The following LYPD6B variants were observed in gnomAD, a reference collection of about 807,000 sequenced individuals.
The protein encoded by LYPD6B is ly6/PLAUR domain-containing protein 6B.
A neutral mutation model predicts 22.8 loss-of-function variants in LYPD6B; 17 were observed. The ratio of observed to expected loss-of-function variants is 0.75; its 90% confidence interval spans 0.51 to 1.12. The LOEUF is 1.12. Ranked by LOEUF, LYPD6B falls within the 50% of genes most tolerant of loss-of-function variation. The pLI is 0.00. For synonymous variants in LYPD6B, 106 were observed against 91.6 expected (o/e 1.16, Z -0.90); for missense variants, 221 against 258.3 (o/e 0.86, Z 0.99).
chr2:149,145,736 T>C (rs906313130), intron 2 of LYPD6B, among the ~76,000 whole-genome samples: 7 of 152,200 alleles, frequency 4.6e-5, no homozygotes, highest in African/African-American at 1.7e-4. Flanking sequence ...CTCAGAGACT[T>C]CTCAGGAAGC....
chr2:149,202,855 A>T (rs1693258187), intron 3 of LYPD6B, among the ~76,000 whole-genome samples: 1 of 152,232 alleles, frequency 6.6e-6, no homozygotes. Context: ...AAAATTCCAC[A>T]CACGTAACTC....
At chr2:149,073,646 T>C (rs2105367071) in intron 1 of LYPD6B, among the ~76,000 whole-genome samples, 1 of 152,172 alleles carries the variant, frequency 6.6e-6, no homozygotes, top group East Asian at 1.9e-4. Flanking sequence ...CTTATCCTCC[T>C]ACCACTGCTG....
At chr2:149,062,013 AG>A (rs1299120745) in intron 1 of LYPD6B, among the ~76,000 whole-genome samples, 2 of 149,832 alleles carry the variant, frequency 1.3e-5, no homozygotes, top group Admixed American at 6.7e-5. Context: ...CTTGCTGCCC[AG>A]GCTGGAGTAA....
At chr2:149,131,971 C>G (rs1688057151) in intron 2 of LYPD6B, among the ~76,000 whole-genome samples, 1 of 151,942 alleles carries the variant, frequency 6.6e-6, no homozygotes, top group Admixed American at 6.6e-5. Flanking sequence ...GTCATTTGTG[C>G]TTTATTTATG....
chr2:149,063,977 A>G (rs1053324475), intron 1 of LYPD6B, among the ~76,000 whole-genome samples: 7 of 152,248 alleles, frequency 4.6e-5, no homozygotes, highest in Non-Finnish European at 2.9e-5. Context: ...TGCTAACTCA[A>G]ATGCAGAAGA....
Position 149,141,231 on chromosome 2 carries a change from T to C in LYPD6B, c.5+10278T>C, listed in dbSNP as rs910811046. Among the ~76,000 whole-genome samples, 8 of 152,164 alleles carry C rather than the reference T, an allele frequency of 5.3e-5. No individual in the cohort carries two copies. In the South Asian group the frequency reaches 1.0e-3, roughly 20 times the overall value. ...CTGAGTGAATGCAGGGAGTAAGCCA[T>C]GTGACTGTCTGGGGCAGAGCATTCC... On this transcript the variant is annotated intron_variant, in intron 2 of 6. Transcript: ENST00000409642.
At chr2:149,127,293 T>C (rs1687755784) in intron 1 of LYPD6B, among the ~76,000 whole-genome samples, 1 of 152,228 alleles carries the variant, frequency 6.6e-6, no homozygotes, top group African/African-American at 2.4e-5. Flanking sequence ...TGTGAGCTTA[T>C]ATTTGATAAA....
chr2:149,128,302 T>A lies in LYPD6B; in HGVS notation c.-66-2581T>A, dbSNP rs1162473539. On this transcript the variant is annotated intron_variant, in intron 1 of 6. Transcript: ENST00000409642. ...GAGACCTGGAAATGGCATTTAGGGA[T>A]GTTCCATCAAATAGCATTTTAAATC... Among the ~76,000 whole-genome samples the A allele has an allele frequency of 2.0e-5, 3 of 152,234 alleles. No individual in the cohort carries two copies. In the South Asian group the frequency reaches 6.2e-4, roughly 32 times the overall value.
intron 1 of LYPD6B, among the ~76,000 whole-genome samples, chr2:149,113,526 G>A (rs573395305): frequency 2.6e-4 from 40 of 152,210 alleles, no homozygotes; most frequent in African/African-American, 7.9e-4. Context: ...GCAGTATAAC[G>A]TTGGGCTCTT....
At chr2:149,189,365 T>TATATATATATATATATATATATATAC (rs1559066292) in intron 3 of LYPD6B, among the ~76,000 whole-genome samples, 8 of 93,212 alleles carry the variant, frequency 8.6e-5, no homozygotes, top group African/African-American at 2.8e-4. Context: ...TATATATATA[T>TATATATATATATATATATATATATAC]ATACACACAC....
intron 2 of LYPD6B, among the ~76,000 whole-genome samples, chr2:149,138,979 A>G (rs1468304634): frequency 2.0e-5 from 3 of 152,254 alleles, no homozygotes; most frequent in Non-Finnish European, 2.9e-5. Flanking sequence ...GTGAACTGGT[A>G]TATTCCTCTT....
intron 1 of LYPD6B, among the ~76,000 whole-genome samples, chr2:149,083,420 G>C (rs1365722449): frequency 6.6e-6 from 1 of 152,144 alleles, no homozygotes; most frequent in East Asian, 1.9e-4. Flanking sequence ...ACATCTTATA[G>C]CTTTTTTCCA....
intron 1 of LYPD6B, among the ~76,000 whole-genome samples, chr2:149,039,424 C>T (rs1157459511): frequency 6.6e-6 from 1 of 152,232 alleles, no homozygotes; most frequent in Non-Finnish European, 1.5e-5. Context: ...GTCTGTATGC[C>T]CTGTGGCGTT....
chr2:149,123,996 G>T (rs995855681), intron 1 of LYPD6B, among the ~76,000 whole-genome samples: 1 of 152,086 alleles, frequency 6.6e-6, no homozygotes, highest in African/African-American at 2.4e-5. Context: ...ATCCAGGAAG[G>T]CCCCCCGGGC....
At chr2:149,165,821 A>G (rs570814865) in intron 3 of LYPD6B, among the ~76,000 whole-genome samples, 1 of 152,300 alleles carries the variant, frequency 6.6e-6, no homozygotes, top group African/African-American at 2.4e-5. Context: ...TCTGACTCCT[A>G]GCAGAGTTCT....
intron 1 of LYPD6B, among the ~76,000 whole-genome samples, chr2:149,063,391 A>G (rs1684182474): frequency 6.6e-6 from 1 of 152,144 alleles, no homozygotes. Flanking sequence ...ATACCCTACA[A>G]TTACATCGTC....
intron 1 of LYPD6B, among the ~76,000 whole-genome samples, chr2:149,084,550 A>G (rs765090763): frequency 4.6e-5 from 7 of 152,184 alleles, no homozygotes; most frequent in African/African-American, 7.2e-5. Flanking sequence ...TTGTTACTCC[A>G]AGAATCCCTG....
chr2:149,208,440 T>C, intron 5 of LYPD6B, 28 bp downstream of exon 5: 1 of 1,509,936 alleles, frequency 6.6e-7, no homozygotes, highest in Non-Finnish European at 9.2e-7. Context: ...GGAAGACTTC[T>C]GTGATCTCAT....
intron 1 of LYPD6B, among the ~76,000 whole-genome samples, chr2:149,093,935 T>G (rs1353652851): frequency 6.6e-6 from 1 of 152,206 alleles, no homozygotes; most frequent in Non-Finnish European, 1.5e-5. Context: ...TTTACATCAA[T>G]TTTGTCTTTA....
Sources: gnomAD v4.1 joint callset for allele counts (sites outside exome capture counted in the v4.1 genomes callset) on GRCh38, gnomAD v4.1.1 for gene constraint, MANE v1.5 for transcripts, NCBI Gene and HGNC (gene_info 2026-07-23, HGNC 2026-07-21) for gene names.